Variants in BCAS3 observed in about 807,000 individuals in gnomAD.
BCAS3 encodes the protein BCAS4/BCAS3 fusion.
BCAS3 carries 53 observed loss-of-function variants against 116.1 expected under a neutral mutation model. That is an observed-to-expected ratio of 0.46 (90% confidence interval 0.37 to 0.57). The LOEUF (loss-of-function observed/expected upper bound fraction) is 0.57. Among genes scored for constraint, BCAS3 ranks in the 20% least tolerant of loss-of-function variants. BCAS3 has a pLI of 0.00. For missense variants in BCAS3, 917 were observed against 1,165.4 expected (o/e 0.79, Z 3.10); for synonymous variants, 391 against 408.2 (o/e 0.96, Z 0.51).
At chr17:61,173,495 C>G (rs745732195) in intron 22 of BCAS3, among the ~76,000 whole-genome samples, 55 of 151,122 alleles carry the variant, frequency 3.6e-4, no homozygotes, top group Middle Eastern at 3.2e-3. Context: ...TAAAACATAT[C>G]AAAATTTGTG....
rs1555698457 is a variant in BCAS3 at position 61,070,400 on chromosome 17, T to TATATATATATATATA, written c.2030-4520_2030-4519insATATATATATATATA. ...ATATATATATATATATATATATATATCTTTTCACCATTTAAAAAAAATAGA... is the reference window on the plus strand; with the variant it reads ...ATATATATATATATATATATATATATATATATATATATATACTTTTCACCATTTAAAAAAAATAGA... On this transcript the variant is annotated intron_variant, in intron 19 of 23. Transcript: ENST00000407086. 3.1e-3 allele frequency: 562 copies of TATATATATATATATA among 180,906 alleles called. 25 individuals carry two copies. The highest frequency in any genetic ancestry group is 4.7e-3 in the Non-Finnish European group (440 of 94,138). 11.2% of individuals were successfully genotyped at this position (180,906 alleles called of 1,614,324 possible). A position where few individuals can be genotyped will look rare whatever the true frequency, so the allele number is the denominator to read the frequency against.
intron 22 of BCAS3, among the ~76,000 whole-genome samples, chr17:61,202,325 G>A (rs866154756): frequency 9.2e-5 from 14 of 151,680 alleles, no homozygotes; most frequent in Middle Eastern, 3.4e-3. Context: ...TGCGGATGAG[G>A]AAACTGATGA....
intron 14 of BCAS3, among the ~76,000 whole-genome samples, chr17:60,983,815 C>T (rs1186907037): frequency 6.6e-6 from 1 of 152,146 alleles, no homozygotes; most frequent in African/African-American, 2.4e-5. Flanking sequence ...ATATAGTTGA[C>T]TCTGTCATGT....
chr17:61,090,118 A>G (rs2073430188), intron 22 of BCAS3, among the ~76,000 whole-genome samples: 1 of 152,226 alleles, frequency 6.6e-6, no homozygotes, highest in Non-Finnish European at 1.5e-5. Flanking sequence ...TCACTTCTAC[A>G]TCAGTAAAAG....
rs150486756 is a variant in BCAS3, at chr17:60,919,602, C to T, written c.994-4805C>T. On this transcript the variant is annotated intron_variant, in intron 12 of 23. Coordinates refer to ENST00000407086, the MANE Select transcript of BCAS3 (RefSeq NM_017679.5). The stretch of plus-strand genomic sequence containing the variant: ...CCTCCCAAAGTGCTGGGATTATAGG[C>T]GTGAGCCACCATGCCCGGCCCACTT... 1.5e-3 allele frequency among the ~76,000 whole-genome samples: 224 copies of T among 152,118 alleles called. 1 individual carries two copies. The highest frequency in any genetic ancestry group is 5.2e-3 in the African/African-American group (214 of 41,494).
At chr17:60,690,568 TAA>T (rs1433692801) in intron 4 of BCAS3, among the ~76,000 whole-genome samples, 1 of 149,636 alleles carries the variant, frequency 6.7e-6, no homozygotes, top group Non-Finnish European at 1.5e-5. Context: ...CAACCCTGTC[TAA>T]AAATAAATAA....
rs1275891778 is a variant in BCAS3, at chr17:61,313,509, T to TAA, written c.2426-54818_2426-54817insAA. 1.3e-5 allele frequency among the ~76,000 whole-genome samples: 2 copies of TAA among 152,242 alleles called. No homozygotes were observed. The highest frequency in any genetic ancestry group is 4.8e-5 in the African/African-American group (2 of 41,470). The stretch of plus-strand genomic sequence containing the variant: ...AGAATTGCTGATCTCAAGCATTTTG[T>TAA]TACCAGAATAACCCCACAGGAGAGG... On this transcript the variant is annotated intron_variant, in intron 22 of 23. Transcript: ENST00000407086. This position sits in a 1 kb window ranked among gnomAD's most constrained non-coding sequence, Gnocchi z 4.3.
chr17:60,739,259 TA>T (rs2041287365), intron 5 of BCAS3, among the ~76,000 whole-genome samples: 1 of 152,220 alleles, frequency 6.6e-6, no homozygotes, highest in African/African-American at 2.4e-5. Flanking sequence ...TACATACACA[TA>T]CATAATTGAG....
intron 7 of BCAS3, among the ~76,000 whole-genome samples, chr17:60,852,606 A>G (rs1473235720): frequency 6.6e-6 from 1 of 152,212 alleles, no homozygotes; most frequent in African/African-American, 2.4e-5. Context: ...AAATGTCTGT[A>G]CTGATCCTCA....
chr17:61,009,467 T>C (rs980424665), intron 15 of BCAS3, among the ~76,000 whole-genome samples: 1 of 152,026 alleles, frequency 6.6e-6, no homozygotes, highest in Non-Finnish European at 1.5e-5. Flanking sequence ...AAAATTTCTC[T>C]CTCTCTCTGG....
intron 22 of BCAS3, among the ~76,000 whole-genome samples, chr17:61,179,341 A>G (rs985081161): frequency 6.8e-6 from 1 of 146,146 alleles, no homozygotes; most frequent in African/African-American, 2.5e-5. Context: ...ATGTCAGTGC[A>G]TGGATAGAAA....
intron 8 of BCAS3, among the ~76,000 whole-genome samples, chr17:60,868,886 G>A (rs1179356773): frequency 6.6e-6 from 1 of 152,160 alleles, no homozygotes; most frequent in East Asian, 1.9e-4. Context: ...TTAGGGAATT[G>A]TGAATTCAGT....
At chr17:61,092,866 G>A (rs1177272275) in intron 22 of BCAS3, among the ~76,000 whole-genome samples, 1 of 99,430 alleles carries the variant, frequency 1.0e-5, no homozygotes, top group African/African-American at 3.7e-5. Context: ...TTCCTTTTAT[G>A]TTTTCACAAA....
In BCAS3 at chr17:61,091,419, A is replaced by C. The variant is rs553851374; in HGVS notation, c.2425+6855A>C. The stretch of plus-strand genomic sequence containing the variant: ...GGGGGACAGAGTTGGGGGCACTATT[A>C]GAATTTGTTTAAGTCTGAACCGGGA... On this transcript the variant is annotated intron_variant, in intron 22 of 23. Coordinates refer to ENST00000407086, the MANE Select transcript of BCAS3 (RefSeq NM_017679.5). Among the ~76,000 whole-genome samples the C allele has an allele frequency of 3.3e-5, 5 of 152,346 alleles. No homozygotes were observed. The East Asian group carries it at 9.6e-4, about 29-fold the overall frequency.
chr17:61,359,988 ACAGTGGCCT>A (rs1182877029), intron 22 of BCAS3, among the ~76,000 whole-genome samples: 1 of 148,904 alleles, frequency 6.7e-6, no homozygotes, highest in Non-Finnish European at 1.5e-5. Context: ...TCAGTTCAAA[ACAGTGGCCT>A]CCCATAACTT....
chr17:61,340,706 G>A (rs1023361114), intron 22 of BCAS3, among the ~76,000 whole-genome samples: 4 of 152,156 alleles, frequency 2.6e-5, no homozygotes, highest in Non-Finnish European at 5.9e-5. Flanking sequence ...AAAGAGGGAT[G>A]CAGAAGCTGA....
chr17:60,935,161 A>G (rs1321461091), intron 13 of BCAS3, among the ~76,000 whole-genome samples: 1 of 152,162 alleles, frequency 6.6e-6, no homozygotes, highest in African/African-American at 2.4e-5. Context: ...GGACTTATTA[A>G]CATAGACGAA....
intron 22 of BCAS3, among the ~76,000 whole-genome samples, chr17:61,125,153 A>G (rs544507309): frequency 5.9e-5 from 9 of 152,358 alleles, no homozygotes; most frequent in Middle Eastern, 3.4e-3. Context: ...TTTGGCAAAT[A>G]CTTAAAAGTT....
At chr17:61,260,399 C>G (rs575786669) in intron 22 of BCAS3, among the ~76,000 whole-genome samples, 11 of 152,172 alleles carry the variant, frequency 7.2e-5, no homozygotes, top group Non-Finnish European at 1.6e-4. Context: ...TATACTGACA[C>G]AAGGTCTATA....
Sources: allele counts gnomAD v4.1 joint callset (sites outside exome capture counted in the v4.1 genomes callset), GRCh38; gene constraint gnomAD v4.1.1; non-coding constraint Gnocchi (gnomAD v3.1); transcripts MANE v1.5; gene names NCBI Gene and HGNC (gene_info 2026-07-23, HGNC 2026-07-21).